The following LPAR3 variants were observed in gnomAD, a reference collection of about 807,000 sequenced individuals.
LPAR3 encodes LPA receptor 3.
LPAR3 carries 7 observed loss-of-function variants against 17.8 expected under a neutral mutation model. The ratio of observed to expected loss-of-function variants is 0.39; its 90% CI spans 0.22 to 0.74. The LOEUF is 0.74. LPAR3 is among the 30% of genes least tolerant of loss of function. The pLI is 0.40. For synonymous variants in LPAR3, 179 were observed against 179.9 expected, an observed-to-expected ratio of 0.99 and a Z score of 0.04; for missense variants, 391 against 453.4, an observed-to-expected ratio of 0.86 and a Z score of 1.25.
At chr1:84,876,996 G>A (rs1160302780) in intron 1 of LPAR3, among the ~76,000 whole-genome samples, 1 of 152,086 alleles carries the variant, frequency 6.6e-6, no homozygotes, top group East Asian at 1.9e-4. Context: ...ACTGCATACT[G>A]GAATCTACCT....
rs145724616 is a variant in LPAR3 at position 84,818,297 on chromosome 1, A to G, written c.737-4126T>C. Reference sequence around the variant, plus strand: ...GAAACTATATAGGAATTATCGTATTATGACAAAAAGCATCAATGTGAAGAC... The same window carrying G: ...GAAACTATATAGGAATTATCGTATTGTGACAAAAAGCATCAATGTGAAGAC... On this transcript the variant is annotated intron_variant, in intron 2 of 2. Transcript: ENST00000370611. Among the ~76,000 whole-genome samples, 932 of 152,358 alleles carry G rather than the reference A, an allele frequency of 6.1e-3. 6 individuals are homozygous for G. The highest frequency in any genetic ancestry group is 0.027 in the Middle Eastern group (8 of 294).
chr1:84,816,204 C>T (rs1443867032), intron 2 of LPAR3, among the ~76,000 whole-genome samples: 1 of 152,126 alleles, frequency 6.6e-6, no homozygotes, highest in African/African-American at 2.4e-5. Flanking sequence ...GGATGGGCAG[C>T]CAAGTTTGCA....
chr1:84,879,190 C>A (rs982445806), intron 1 of LPAR3, among the ~76,000 whole-genome samples: 8 of 152,096 alleles, frequency 5.3e-5, no homozygotes, highest in African/African-American at 1.9e-4. Flanking sequence ...AACTCATTTG[C>A]CCATAATTGC....
intron 2 of LPAR3, among the ~76,000 whole-genome samples, chr1:84,838,114 T>C (rs551154284): frequency 6.6e-6 from 1 of 152,264 alleles, no homozygotes; most frequent in Admixed American, 6.5e-5. Flanking sequence ...AGATACAAGC[T>C]GTACTCACCT....
intron 2 of LPAR3, among the ~76,000 whole-genome samples, chr1:84,835,222 T>A (rs1460589579): frequency 6.6e-6 from 1 of 152,222 alleles, no homozygotes; most frequent in African/African-American, 2.4e-5. Context: ...CGTGGACTGA[T>A]CTGTTTCCAA....
Position 84,813,813 on chromosome 1 carries a change from G to C in LPAR3, c.*33C>G. 6.4e-7 allele frequency: 1 copy of C among 1,551,780 alleles called. No individual in the cohort carries two copies. Among genetic ancestry groups the C allele is most frequent in the Non-Finnish European group, 8.9e-7 (1 of 1,129,472 alleles). ...CATTCTTAACAGCTCTTTTCCCAGAGGAGGCCTGGGTGGGCCGAGAGGCAT... is the reference window on the plus strand; with the variant it reads ...CATTCTTAACAGCTCTTTTCCCAGACGAGGCCTGGGTGGGCCGAGAGGCAT... On this transcript the variant is annotated 3_prime_UTR_variant, in exon 3 of 3. Coordinates refer to ENST00000370611, the MANE Select transcript of LPAR3 (RefSeq NM_012152.3).
chr1:84,843,248 T>C (rs979510118), intron 2 of LPAR3, among the ~76,000 whole-genome samples: 1 of 152,234 alleles, frequency 6.6e-6, no homozygotes, highest in African/African-American at 2.4e-5. Context: ...CAGCTATGCC[T>C]CATCTCCTGC....
intron 2 of LPAR3, among the ~76,000 whole-genome samples, chr1:84,830,735 T>C (rs553884776): frequency 2.8e-4 from 42 of 152,260 alleles, no homozygotes; most frequent in African/African-American, 9.4e-4. Context: ...ACAGAGGTAA[T>C]GGAATGGAAA....
Position 84,812,849 on chromosome 1 carries a change from A to C in LPAR3, c.*997T>G, listed in dbSNP as rs963442135. 6.6e-6 allele frequency: 1 copy of C among 151,868 alleles called. No homozygotes were observed. The highest frequency in any genetic ancestry group is 1.5e-5 in the Non-Finnish European group (1 of 68,012). The allele number at this position is 151,868 out of a possible 1,614,324, so 9.4% of individuals were successfully genotyped here. A position where few individuals can be genotyped will look rare whatever the true frequency, so the allele number is the denominator to read the frequency against. ...TCTCTTGGCTTCTTTTGCTCTTACT[A>C]GGCAAGATTATCAGCTGGATGTTCC... On this transcript the variant is annotated 3_prime_UTR_variant, in exon 3 of 3. Transcript: ENST00000370611.
At chr1:84,831,364 G>A (rs1659279582) in intron 2 of LPAR3, among the ~76,000 whole-genome samples, 1 of 152,182 alleles carries the variant, frequency 6.6e-6, no homozygotes, top group Admixed American at 6.5e-5. Context: ...GCTGAGGTGA[G>A]AGGATGGCTT....
intron 2 of LPAR3, among the ~76,000 whole-genome samples, chr1:84,858,602 C>T (rs1439323971): frequency 4.6e-5 from 7 of 151,936 alleles, no homozygotes; most frequent in South Asian, 4.1e-4. Flanking sequence ...AGTGAGGAAA[C>T]CTGGGTTCTG....
At chr1:84,850,125 C>T (rs1354144640) in intron 2 of LPAR3, among the ~76,000 whole-genome samples, 2 of 152,104 alleles carry the variant, frequency 1.3e-5, no homozygotes, top group Non-Finnish European at 2.9e-5. Flanking sequence ...AGGGAGAGAG[C>T]TTTATATTTT....
At chr1:84,846,684 C>T (rs1189127477) in intron 2 of LPAR3, among the ~76,000 whole-genome samples, 1 of 152,074 alleles carries the variant, frequency 6.6e-6, no homozygotes, top group Non-Finnish European at 1.5e-5. Context: ...TCCTTTAGAT[C>T]ACACCATTAA....
intron 2 of LPAR3, among the ~76,000 whole-genome samples, chr1:84,814,881 G>A (rs552788835): frequency 1.2e-4 from 18 of 152,254 alleles, no homozygotes; most frequent in African/African-American, 3.6e-4. Context: ...TTCAGACTCT[G>A]CAATTGAATA....
chr1:84,846,662 A>G (rs1312230404), intron 2 of LPAR3, among the ~76,000 whole-genome samples: 1 of 152,140 alleles, frequency 6.6e-6, no homozygotes. Flanking sequence ...TAGCTTGAGT[A>G]ATATTGTTTT....
At position 84,813,625 on chromosome 1, in the gene LPAR3, C is replaced by A. The variant is rs1658865751; in HGVS notation, c.*221G>T. 2 of 513,398 alleles carry A rather than the reference C, an allele frequency of 3.9e-6. No individual in the cohort carries two copies. The highest frequency in any genetic ancestry group is 5.2e-5 in the South Asian group (2 of 38,344). 31.8% of individuals were successfully genotyped at this position (513,398 alleles called of 1,614,324 possible). A position where few individuals can be genotyped will look rare whatever the true frequency, so the allele number is the denominator to read the frequency against. On this transcript the variant is annotated 3_prime_UTR_variant, in exon 3 of 3. Coordinates refer to ENST00000370611, the MANE Select transcript of LPAR3 (RefSeq NM_012152.3). ...AGCAGTTCATAGGACAAGCAGGGAC[C>A]CGCCGAACCTCTCCCGTTTCTGTGC...
At position 84,880,025 on chromosome 1, in the gene LPAR3, A is replaced by G. The variant is rs187382463; in HGVS notation, c.-19+12991T>C. Among the ~76,000 whole-genome samples the G allele has an allele frequency of 7.9e-4, 121 of 152,362 alleles. 1 individual carries two copies. In the South Asian group the frequency reaches 0.012, roughly 16 times the overall value. The stretch of plus-strand genomic sequence containing the variant: ...CTGATCAATCTGATCACTATATAGT[A>G]CATGTATCAAAACATCACAATGTGC... On this transcript the variant is annotated intron_variant, in intron 1 of 2. Coordinates refer to ENST00000370611, the MANE Select transcript of LPAR3 (RefSeq NM_012152.3).
chr1:84,872,006 A>AG (rs1660165956), intron 1 of LPAR3, among the ~76,000 whole-genome samples: 1 of 152,116 alleles, frequency 6.6e-6, no homozygotes, highest in Non-Finnish European at 1.5e-5. Context: ...GCTACGGTCT[A>AG]TCTCCCCAAC....
intron 1 of LPAR3, among the ~76,000 whole-genome samples, chr1:84,889,573 C>T (rs1226816030): frequency 6.6e-6 from 1 of 152,180 alleles, no homozygotes; most frequent in Non-Finnish European, 1.5e-5. Flanking sequence ...TGTTGGGTAA[C>T]CTCAGTCCTG....
Sources: allele counts gnomAD v4.1 joint callset (sites outside exome capture counted in the v4.1 genomes callset), GRCh38; gene constraint gnomAD v4.1.1; transcripts MANE v1.5; gene names NCBI Gene and HGNC (gene_info 2026-07-23, HGNC 2026-07-21).